MAPRE2: variants seen among roughly 807,000 people sequenced by gnomAD.
MAPRE2 encodes the protein microtubule-associated protein RP/EB family member 2.
In MAPRE2, 13 loss-of-function variants were observed where a neutral mutation model predicts 43.2. The ratio of observed to expected loss-of-function variants is 0.30; its 90% CI spans 0.20 to 0.48. MAPRE2 has a LOEUF of 0.48. Ranked by LOEUF, MAPRE2 falls within the 20% of genes least tolerant of loss-of-function variation. The pLI is 0.99. For missense variants in MAPRE2, 161 were observed against 400.2 expected (o/e 0.40, Z 5.10); for synonymous variants, 135 against 148.8 (o/e 0.91, Z 0.68).
intron 2 of MAPRE2, among the ~76,000 whole-genome samples, chr18:35,096,290 G>A (rs1440576634): frequency 6.6e-6 from 1 of 152,184 alleles, no homozygotes; most frequent in Non-Finnish European, 1.5e-5. Context: ...GAGATCTGGA[G>A]ATAGCAAAGA....
At chr18:35,012,211 G>A (rs1489368485) in intron 2 of MAPRE2, among the ~76,000 whole-genome samples, 1 of 152,054 alleles carries the variant, frequency 6.6e-6, no homozygotes, top group Non-Finnish European at 1.5e-5. Context: ...GGGTGCCTGT[G>A]ACGTTAAAAA....
At chr18:35,000,350 A>T (rs2097028700) in intron 1 of MAPRE2, among the ~76,000 whole-genome samples, 2 of 152,222 alleles carry the variant, frequency 1.3e-5, no homozygotes, top group Non-Finnish European at 2.9e-5. Flanking sequence ...ATGAAGAAAG[A>T]ATGAAATCTT....
intron 1 of MAPRE2, among the ~76,000 whole-genome samples, chr18:35,064,842 C>T (rs975105343): frequency 1.3e-5 from 2 of 152,218 alleles, no homozygotes; most frequent in African/African-American, 4.8e-5. Context: ...TGAGCAAAAT[C>T]TACACATTGG....
At chr18:35,015,858 C>G (rs1052523916) in intron 2 of MAPRE2, among the ~76,000 whole-genome samples, 8 of 151,816 alleles carry the variant, frequency 5.3e-5, no homozygotes, top group Non-Finnish European at 1.2e-4. Flanking sequence ...GTTTTATTAC[C>G]TGGGTATATT....
chr18:35,126,903 C>G (rs1385316971), intron 4 of MAPRE2, 45 bp from the exon 5 acceptor site: 2 of 1,579,156 alleles, frequency 1.3e-6, no homozygotes, highest in South Asian at 2.3e-5. Context: ...CTAAAACACA[C>G]TTTTAATATT....
intron 4 of MAPRE2, among the ~76,000 whole-genome samples, chr18:35,126,743 A>G (rs1909921635): frequency 6.6e-6 from 1 of 152,152 alleles, no homozygotes; most frequent in African/African-American, 2.4e-5. Context: ...AGCACTCACA[A>G]AGGTGAGATA....
rs115354152 is a variant in MAPRE2 at position 35,130,378 on chromosome 18, G to T, written c.751-1654G>T. 8.7e-3 allele frequency among the ~76,000 whole-genome samples: 1,325 copies of T among 152,244 alleles called. 18 individuals are homozygous for T. The highest frequency in any genetic ancestry group is 0.03 in the African/African-American group (1,263 of 41,532). On this transcript the variant is annotated intron_variant, in intron 5 of 6. Transcript: ENST00000300249. Reference sequence around the variant, plus strand: ...TAGTATTAATAGAAATGAGTTAAAAGCAAACTGGTTCTCCACTGCTTTGCA... The same window carrying T: ...TAGTATTAATAGAAATGAGTTAAAATCAAACTGGTTCTCCACTGCTTTGCA...
At chr18:34,977,797 C>T (rs1027124464) in intron 1 of MAPRE2, among the ~76,000 whole-genome samples, 2 of 152,232 alleles carry the variant, frequency 1.3e-5, no homozygotes, top group African/African-American at 4.8e-5. Context: ...CGACTTCGCA[C>T]TCGGCTTAGT....
At chr18:35,095,260 GA>G (rs1908347522) in intron 2 of MAPRE2, among the ~76,000 whole-genome samples, 1 of 152,042 alleles carries the variant, frequency 6.6e-6, no homozygotes. Context: ...CATATTAAGT[GA>G]CTCAGAAAGA....
upstream of MAPRE2, among the ~76,000 whole-genome samples, chr18:35,039,097 A>G (rs891392101): frequency 9.8e-5 from 15 of 152,374 alleles, no homozygotes; most frequent in African/African-American, 3.6e-4. Flanking sequence ...CCACAATGAC[A>G]CAAATTATGT....
chr18:35,108,660 T>C (rs1360417946), intron 4 of MAPRE2, among the ~76,000 whole-genome samples: 1 of 152,026 alleles, frequency 6.6e-6, no homozygotes, highest in African/African-American at 2.4e-5. Context: ...TAATAATCAC[T>C]ATTCTGACTG....
At chr18:35,075,421 CT>C (rs1333452091) in intron 2 of MAPRE2, among the ~76,000 whole-genome samples, 2 of 152,198 alleles carry the variant, frequency 1.3e-5, no homozygotes, top group African/African-American at 4.8e-5. Context: ...CCGATGAAAT[CT>C]GCTCAGAGTC....
chr18:35,106,698 T>C (rs975983462), intron 4 of MAPRE2, among the ~76,000 whole-genome samples: 1 of 152,194 alleles, frequency 6.6e-6, no homozygotes, highest in Non-Finnish European at 1.5e-5. Flanking sequence ...CTGTGGCTTC[T>C]CTGTGTGTCG....
chr18:35,007,324 T>A (rs1378448069), intron 2 of MAPRE2, among the ~76,000 whole-genome samples: 1 of 152,196 alleles, frequency 6.6e-6, no homozygotes, highest in Non-Finnish European at 1.5e-5. Context: ...TATATGATCA[T>A]CCTATCTTCC....
intron 1 of MAPRE2, among the ~76,000 whole-genome samples, chr18:34,987,334 G>C (rs1568962910): frequency 6.6e-6 from 1 of 152,112 alleles, no homozygotes; most frequent in Non-Finnish European, 1.5e-5. Context: ...CATCACCTAG[G>C]AGTGTCTTAA....
chr18:35,121,153 G>T (rs1909648774), intron 4 of MAPRE2, among the ~76,000 whole-genome samples: 1 of 152,202 alleles, frequency 6.6e-6, no homozygotes, highest in Admixed American at 6.5e-5. Flanking sequence ...GCCAAGTCCA[G>T]TGCTTTGATT....
chr18:35,020,974 T>C (rs187949295), intron 2 of MAPRE2, among the ~76,000 whole-genome samples: 16 of 152,276 alleles, frequency 1.1e-4, no homozygotes, highest in African/African-American at 3.9e-4. Flanking sequence ...ATTAGGGGTA[T>C]CCTGGAATGT....
intron 1 of MAPRE2, among the ~76,000 whole-genome samples, chr18:35,069,381 G>T (rs1288932514): frequency 6.9e-6 from 1 of 144,032 alleles, no homozygotes; most frequent in Non-Finnish European, 1.5e-5. Context: ...ATAATATTCT[G>T]TTTTTTTTAA....
At chr18:35,053,102 A>C (rs920002337) in intron 1 of MAPRE2, among the ~76,000 whole-genome samples, 5 of 151,156 alleles carry the variant, frequency 3.3e-5, no homozygotes, top group Admixed American at 2.0e-4. Context: ...ATATTAAATG[A>C]GTCTATTTAG....
Sources: allele counts gnomAD v4.1 joint callset (sites outside exome capture counted in the v4.1 genomes callset), GRCh38; gene constraint gnomAD v4.1.1; transcripts MANE v1.5; gene names NCBI Gene and HGNC (gene_info 2026-07-23, HGNC 2026-07-21).